Variants in PARD3B observed in about 807,000 individuals in gnomAD.
PARD3B encodes par-3 family cell polarity regulator beta.
PARD3B carries 103 observed loss-of-function variants against 130.2 expected under a neutral mutation model. The observed-to-expected ratio is 0.79, with a 90% CI of 0.67 to 0.93. The LOEUF is 0.93. PARD3B is among the 40% of genes least tolerant of loss of function. The pLI, the probability that PARD3B is intolerant of heterozygous loss-of-function variation, is 0.00. For missense variants in PARD3B, 1,609 were observed against 1,499.2 expected, an observed-to-expected ratio of 1.07 and a Z score of -1.21; for synonymous variants, 583 against 553.2, an observed-to-expected ratio of 1.05 and a Z score of -0.76.
chr2:205,437,965 C>T (rs971162985), intron 19 of PARD3B, among the ~76,000 whole-genome samples: 3 of 151,656 alleles, frequency 2.0e-5, no homozygotes, highest in African/African-American at 7.3e-5. Flanking sequence ...GTCAAAGCTA[C>T]CAAAAAAAAA....
At chr2:205,541,723 A>ATTCTTTGTTTC (rs2052148767) in intron 21 of PARD3B, among the ~76,000 whole-genome samples, 1 of 151,992 alleles carries the variant, frequency 6.6e-6, no homozygotes, top group African/African-American at 2.4e-5. Flanking sequence ...TCAGAGCAAT[A>ATTCTTTGTTTC]TTCTTTGTTT....
intron 15 of PARD3B, among the ~76,000 whole-genome samples, chr2:205,204,137 T>C (rs1296968447): frequency 1.3e-5 from 2 of 152,210 alleles, no homozygotes; most frequent in Non-Finnish European, 2.9e-5. Flanking sequence ...TTTTTAATGA[T>C]TGCCATTCTA....
At chr2:205,124,068 A>G (rs1442285488) in intron 8 of PARD3B, among the ~76,000 whole-genome samples, 1 of 152,194 alleles carries the variant, frequency 6.6e-6, no homozygotes, top group Non-Finnish European at 1.5e-5. Context: ...TAACATGTGC[A>G]TTTCTTCTAG....
chr2:205,303,427 A>G (rs926701798), intron 18 of PARD3B, among the ~76,000 whole-genome samples: 4 of 152,146 alleles, frequency 2.6e-5, no homozygotes, highest in Admixed American at 6.6e-5. Flanking sequence ...GACCTCAGAC[A>G]TATACCCCTG....
chr2:205,565,053 G>A (rs994095316), intron 22 of PARD3B, among the ~76,000 whole-genome samples: 8 of 152,208 alleles, frequency 5.3e-5, no homozygotes, highest in Admixed American at 5.2e-4. Context: ...GACATCATTA[G>A]TACCCTTTCA....
At chr2:205,205,421 G>A (rs1281911491) in intron 15 of PARD3B, among the ~76,000 whole-genome samples, 2 of 151,996 alleles carry the variant, frequency 1.3e-5, no homozygotes, top group East Asian at 3.9e-4. Context: ...TGTCTTCTTA[G>A]TTCAATACCC....
intron 2 of PARD3B, among the ~76,000 whole-genome samples, chr2:204,700,191 TAATTC>T (rs2037823671): frequency 6.6e-6 from 1 of 152,146 alleles, no homozygotes; most frequent in African/African-American, 2.4e-5. Flanking sequence ...CCTGGTATCT[TAATTC>T]AATATATTGC....
chr2:204,635,662 A>G (rs1434487192), intron 1 of PARD3B, among the ~76,000 whole-genome samples: 1 of 152,152 alleles, frequency 6.6e-6, no homozygotes, highest in Non-Finnish European at 1.5e-5. Context: ...ATATCACTGT[A>G]TGGAGGTGTT....
In PARD3B at chr2:205,473,766, A is replaced by G. The variant is rs1254340988; in HGVS notation, c.3045-26130A>G. Reference sequence around the variant, plus strand: ...TATATATATATATATAACCTTAAATATATATATTTTATATTTTTTTAACTT... The same window carrying G: ...TATATATATATATATAACCTTAAATGTATATATTTTATATTTTTTTAACTT... On this transcript the variant is annotated intron_variant, in intron 20 of 22. Transcript: ENST00000406610. This position sits in a 1 kb window ranked among gnomAD's most constrained non-coding sequence, Gnocchi z 4.9. Among the ~76,000 whole-genome samples, 1 of 147,276 alleles carries G rather than the reference A, an allele frequency of 6.8e-6. No homozygotes were observed. The highest frequency in any genetic ancestry group is 2.5e-5 in the African/African-American group (1 of 40,598).
At chr2:205,148,745 A>G (rs928328100) in intron 10 of PARD3B, among the ~76,000 whole-genome samples, 4 of 152,110 alleles carry the variant, frequency 2.6e-5, no homozygotes, top group Non-Finnish European at 1.5e-5. Context: ...AAAAAAAAAA[A>G]GCTCTTTTGT....
intron 1 of PARD3B, among the ~76,000 whole-genome samples, chr2:204,588,890 C>T (rs2032952159): frequency 6.6e-6 from 1 of 152,126 alleles, no homozygotes; most frequent in African/African-American, 2.4e-5. Flanking sequence ...CTTCAATCTA[C>T]AAATCCTCTT....
At chr2:204,713,125 A>AT (rs1446821347) in intron 2 of PARD3B, among the ~76,000 whole-genome samples, 4 of 152,000 alleles carry the variant, frequency 2.6e-5, no homozygotes, top group Non-Finnish European at 5.9e-5. Flanking sequence ...GCTGTATATG[A>AT]TTTTTTCTGT....
intron 10 of PARD3B, among the ~76,000 whole-genome samples, chr2:205,135,692 A>C (rs1006091879): frequency 4.6e-5 from 7 of 152,074 alleles, no homozygotes; most frequent in Non-Finnish European, 5.9e-5. Context: ...ATGACTTTTA[A>C]ATATGTTCTC....
At chr2:205,423,665 A>G (rs541642778) in intron 19 of PARD3B, among the ~76,000 whole-genome samples, 1 of 152,292 alleles carries the variant, frequency 6.6e-6, no homozygotes, top group African/African-American at 2.4e-5. Flanking sequence ...ACATGGAATA[A>G]TATTCACAAC....
rs1005346800 is a variant in PARD3B, at chr2:205,405,476, C to G, written c.2741+4353C>G. ...CCTAGACATCAGAATTGCATTGTGT[C>G]ATATTTCCTGTGGATAATGCAGAGA... On this transcript the variant is annotated intron_variant, in intron 19 of 22. Coordinates refer to ENST00000406610, the MANE Select transcript of PARD3B (RefSeq NM_001302769.2). This position sits in a 1 kb window ranked among gnomAD's most constrained non-coding sequence, Gnocchi z 4.1. Among the ~76,000 whole-genome samples, 7 of 152,268 alleles carry G rather than the reference C, an allele frequency of 4.6e-5. No individual in the cohort carries two copies. The East Asian group carries it at 1.4e-3, about 29-fold the overall frequency.
chr2:205,049,077 A>G (rs552422099), intron 4 of PARD3B, among the ~76,000 whole-genome samples: 3 of 152,130 alleles, frequency 2.0e-5, no homozygotes, highest in Non-Finnish European at 2.9e-5. Context: ...TTTAGTTTTC[A>G]TTTTCATGAT....
chr2:205,032,817 G>C (rs1559371360), intron 3 of PARD3B, among the ~76,000 whole-genome samples: 1 of 152,122 alleles, frequency 6.6e-6, no homozygotes, highest in Non-Finnish European at 1.5e-5. Context: ...CAGGAACTTT[G>C]AATGATCCAA....
chr2:204,958,819 A>G (rs1017420966), intron 2 of PARD3B, among the ~76,000 whole-genome samples: 3 of 152,190 alleles, frequency 2.0e-5, no homozygotes, highest in African/African-American at 7.2e-5. Context: ...TATTGATCAT[A>G]ATAACCTTAG....
At chr2:205,172,876 T>C (rs1429345436) in intron 12 of PARD3B, among the ~76,000 whole-genome samples, 1 of 152,190 alleles carries the variant, frequency 6.6e-6, no homozygotes, top group African/African-American at 2.4e-5. Flanking sequence ...GGGAGTCTTG[T>C]TTTTTGAAAT....
Sources: allele counts gnomAD v4.1 joint callset (sites outside exome capture counted in the v4.1 genomes callset), GRCh38; gene constraint gnomAD v4.1.1; non-coding constraint Gnocchi (gnomAD v3.1); transcripts MANE v1.5; gene names NCBI Gene and HGNC (gene_info 2026-07-23, HGNC 2026-07-21).